The following SLC44A1 variants were observed in gnomAD, a reference collection of about 807,000 sequenced individuals.
SLC44A1 encodes the protein choline transporter-like protein 1.
SLC44A1 carries 26 observed loss-of-function variants against 79.3 expected under a neutral mutation model. The ratio of observed to expected loss-of-function variants is 0.33; its 90% CI spans 0.24 to 0.46. The LOEUF (loss-of-function observed/expected upper bound fraction) is 0.46, where lower values mean the gene tolerates loss of function less well. Among genes scored for constraint, SLC44A1 ranks in the 20% least tolerant of loss-of-function variants. The pLI is 1.00. For synonymous variants in SLC44A1, 263 were observed against 286.2 expected (o/e 0.92, Z 0.82); for missense variants, 688 against 798.1 (o/e 0.86, Z 1.66).
At chr9:105,354,077 G>GTCTCTC (rs1410211694) in intron 5 of SLC44A1, among the ~76,000 whole-genome samples, 7 of 107,608 alleles carry the variant, frequency 6.5e-5, no homozygotes, top group Non-Finnish European at 9.9e-5. Context: ...TTGAGACGGA[G>GTCTCTC]TCTCTCTCTG....
At chr9:105,275,530 C>G (rs1830178094) in intron 1 of SLC44A1, among the ~76,000 whole-genome samples, 1 of 152,166 alleles carries the variant, frequency 6.6e-6, no homozygotes. Context: ...TAAACACAGA[C>G]AATGAAAGTG....
downstream of SLC44A1, among the ~76,000 whole-genome samples, chr9:105,397,650 A>G (rs1323257462): frequency 1.3e-5 from 2 of 152,166 alleles, no homozygotes; most frequent in Non-Finnish European, 2.9e-5. Flanking sequence ...GCAGAGTAGA[A>G]AAGCCTCCAC....
chr9:105,356,635 T>A (rs898769904), intron 6 of SLC44A1, among the ~76,000 whole-genome samples: 2 of 152,218 alleles, frequency 1.3e-5, no homozygotes, highest in African/African-American at 4.8e-5. Flanking sequence ...TTACTAAGTC[T>A]ATAGCTACTT....
At position 105,394,502 on chromosome 9, in the gene SLC44A1, A is replaced by T; in HGVS notation, c.*5446A>T. ...GGGGGCAAGGTACCAGATTATTTGC[A>T]GTGAGCCAAAAAAAAAAAAATATCC... On this transcript the variant is annotated 3_prime_UTR_variant, in exon 16 of 16. Transcript: ENST00000374720. 1.1e-6 allele frequency: 1 copy of T among 891,834 alleles called. No homozygotes were observed. Among genetic ancestry groups the T allele is most frequent in the Non-Finnish European group, 1.3e-6 (1 of 783,630 alleles). The allele number at this position is 891,834 out of a possible 1,614,324, so 55.2% of individuals were successfully genotyped here. A position where few individuals can be genotyped will look rare whatever the true frequency, so the allele number is the denominator to read the frequency against.
chr9:105,431,918 G>A (rs1267642750), intron 15 of SLC44A1, among the ~76,000 whole-genome samples: 1 of 152,050 alleles, frequency 6.6e-6, no homozygotes, highest in Non-Finnish European at 1.5e-5. Context: ...TTGTATGAAG[G>A]TATCATTATT....
At chr9:105,360,829 T>C (rs1029406815) in intron 7 of SLC44A1, among the ~76,000 whole-genome samples, 1 of 152,328 alleles carries the variant, frequency 6.6e-6, no homozygotes, top group Non-Finnish European at 1.5e-5. Context: ...GTGATGCTTA[T>C]TTCCTTCCTC....
intron 13 of SLC44A1, among the ~76,000 whole-genome samples, chr9:105,382,198 G>A (rs530970085): frequency 1.3e-5 from 2 of 152,044 alleles, no homozygotes; most frequent in African/African-American, 2.4e-5. Context: ...TACTCAGGTC[G>A]GGTGGCATCT....
In SLC44A1 at chr9:105,283,188, G is replaced by A. The variant is rs192886709; in HGVS notation, c.37-16032G>A. ...TTCCGGGCATGGAGCGGGTGCTGAA[G>A]GTTGGTTGATTGTGGAGAAACAACC... is the stretch of plus-strand genomic sequence containing the variant. On this transcript the variant is annotated intron_variant, in intron 1 of 15. Coordinates refer to ENST00000374720, the MANE Select transcript of SLC44A1 (RefSeq NM_080546.5). Among the ~76,000 whole-genome samples the A allele has an allele frequency of 5.6e-4, 85 of 152,312 alleles. No individual in the cohort carries two copies. The South Asian group carries it at 0.01, about 18-fold the overall frequency.
intron 13 of SLC44A1, among the ~76,000 whole-genome samples, chr9:105,380,611 T>C (rs1182471220): frequency 2.0e-5 from 3 of 152,096 alleles, no homozygotes; most frequent in Non-Finnish European, 2.9e-5. Flanking sequence ...TATATAGCTG[T>C]TACTAATATA....
At chr9:105,294,085 T>C (rs1830663536) in intron 1 of SLC44A1, among the ~76,000 whole-genome samples, 1 of 152,190 alleles carries the variant, frequency 6.6e-6, no homozygotes, top group Non-Finnish European at 1.5e-5. Context: ...GTTCTTGAAT[T>C]CTCCAGTAGT....
At chr9:105,356,772 C>T (rs10991640) in intron 6 of SLC44A1, among the ~76,000 whole-genome samples, 3,989 of 152,184 alleles carry the variant, frequency 0.026, 63 homozygotes, top group Middle Eastern at 0.051. Flanking sequence ...TTTAAGAACA[C>T]AGATTTCTGA....
At chr9:105,417,544 CTT>C (rs1829187461) in intron 15 of SLC44A1, among the ~76,000 whole-genome samples, 1 of 152,192 alleles carries the variant, frequency 6.6e-6, no homozygotes, top group South Asian at 2.1e-4. Context: ...CTTAACTTCT[CTT>C]TCTTTACCTG....
At chr9:105,437,950 C>T (rs1305549716) in intron 15 of SLC44A1, among the ~76,000 whole-genome samples, 2 of 152,206 alleles carry the variant, frequency 1.3e-5, no homozygotes, top group Admixed American at 1.3e-4. Flanking sequence ...TGATATGTGT[C>T]AGACAGTGTT....
At chr9:105,299,579 AG>A (rs1439724738) in intron 2 of SLC44A1, among the ~76,000 whole-genome samples, 1 of 152,254 alleles carries the variant, frequency 6.6e-6, no homozygotes, top group Non-Finnish European at 1.5e-5. Context: ...TGAGCAAAAC[AG>A]TGACCATGAG....
In SLC44A1 at chr9:105,390,762, T is replaced by G. The variant is rs1386040712; in HGVS notation, c.*1706T>G. The G allele has an allele frequency of 1.0e-6, 1 of 985,278 alleles. No individual in the cohort carries two copies. The highest frequency in any genetic ancestry group is 1.7e-5 in the African/African-American group (1 of 57,224). 61.0% of individuals were successfully genotyped at this position (985,278 alleles called of 1,614,324 possible). A position where few individuals can be genotyped will look rare whatever the true frequency, so the allele number is the denominator to read the frequency against. On this transcript the variant is annotated 3_prime_UTR_variant, in exon 16 of 16. Transcript: ENST00000374720. ...TTCTGATTTTTCAGAATATTTGCAA[T>G]AAGAGTCTGGATTTTAAAAAACACA... is the stretch of plus-strand genomic sequence containing the variant.
At chr9:105,363,574 C>T (rs143578629) in intron 9 of SLC44A1, among the ~76,000 whole-genome samples, 7,318 of 149,540 alleles carry the variant, frequency 0.049, 237 homozygotes, top group South Asian at 0.12. Context: ...AAGCGATTCT[C>T]CTGCCTCAGC....
At chr9:105,416,642 T>G (rs919539443) in intron 15 of SLC44A1, among the ~76,000 whole-genome samples, 4 of 152,216 alleles carry the variant, frequency 2.6e-5, no homozygotes, top group African/African-American at 4.8e-5. Flanking sequence ...GCATATGCAC[T>G]TGGAAAGCAG....
At chr9:105,309,926 C>T (rs905745076) in intron 3 of SLC44A1, 60 bp downstream of exon 3, 1 of 1,529,054 alleles carries the variant, frequency 6.5e-7, no homozygotes, top group African/African-American at 1.4e-5. Context: ...CAGAGAAAAT[C>T]CTGCTGTTCT....
At position 105,356,361 on chromosome 9, in the gene SLC44A1, G is replaced by A; in HGVS notation, c.650G>A (p.Gly217Glu). The change falls in exon 6 of 16, where the codon GGA becomes GAA. Residue 217 changes from glycine (G) to glutamate (E), a missense_variant. Coordinates refer to ENST00000374720, the MANE Select transcript of SLC44A1 (RefSeq NM_080546.5). ...ATGACCAGCAAAGAAATTATATTGG[G>A]ACTTTGCTTGTTATCACTAGGTAAT... ...GVMTSKEIIL[G>E]LCLLSLVLSM... is the part of the protein sequence containing the mutation. 6.3e-7 allele frequency: 1 copy of A among 1,598,654 alleles called. No homozygotes were observed. The highest frequency in any genetic ancestry group is 1.1e-5 in the South Asian group (1 of 88,852).
Sources: allele counts gnomAD v4.1 joint callset (sites outside exome capture counted in the v4.1 genomes callset), GRCh38; gene constraint gnomAD v4.1.1; transcripts MANE v1.5; gene names NCBI Gene and HGNC (gene_info 2026-07-23, HGNC 2026-07-21).